Variants in RARB observed in about 807,000 individuals in gnomAD.
The protein encoded by RARB is retinoic acid receptor beta.
Under a neutral mutation model 51.9 loss-of-function variants are expected in RARB, and 17 were observed. The ratio of observed to expected loss-of-function variants is 0.33; its 90% CI spans 0.22 to 0.49. RARB has a LOEUF of 0.49. Ranked by LOEUF, RARB falls within the 20% of genes least tolerant of loss-of-function variation. The pLI, the probability that RARB is intolerant of heterozygous loss-of-function variation, is 0.99. For missense variants in RARB, 369 were observed against 550.8 expected (o/e 0.67, Z 3.30); for synonymous variants, 215 against 195.4 (o/e 1.10, Z -0.84).
chr3:25,212,255 T>G (rs1024970877), intron 5 of RARB, among the ~76,000 whole-genome samples: 1 of 152,144 alleles, frequency 6.6e-6, no homozygotes, highest in Non-Finnish European at 1.5e-5. Context: ...AAATAAATAA[T>G]ATAGACTATG....
At chr3:24,970,956 C>G (rs1696384864) in intron 2 of RARB, among the ~76,000 whole-genome samples, 1 of 151,946 alleles carries the variant, frequency 6.6e-6, no homozygotes, top group Non-Finnish European at 1.5e-5. Flanking sequence ...TTGTTCTTCT[C>G]CTTTCAACTA....
At chr3:24,840,832 A>C (rs1336258638) in intron 1 of RARB, among the ~76,000 whole-genome samples, 1 of 152,010 alleles carries the variant, frequency 6.6e-6, no homozygotes, top group Non-Finnish European at 1.5e-5. Context: ...CAAATCACTT[A>C]ATAAAAGTTT....
intron 5 of RARB, among the ~76,000 whole-genome samples, chr3:25,348,823 A>C (rs1373250212): frequency 6.6e-6 from 1 of 152,146 alleles, no homozygotes; most frequent in African/African-American, 2.4e-5. Context: ...AGGGTTTGTA[A>C]CTCCCAAAGT....
chr3:24,844,929 A>G (rs1402259151), intron 1 of RARB, among the ~76,000 whole-genome samples: 1 of 152,162 alleles, frequency 6.6e-6, no homozygotes, highest in Non-Finnish European at 1.5e-5. Context: ...TCTTGGAAAT[A>G]TGGTGAAATC....
At chr3:24,846,382 A>G (rs1702486036) in intron 1 of RARB, among the ~76,000 whole-genome samples, 1 of 152,252 alleles carries the variant, frequency 6.6e-6, no homozygotes, top group Non-Finnish European at 1.5e-5. Context: ...CTTTAAAAAA[A>G]TTCCAGGAGA....
chr3:25,475,843 T>G (rs1254064828), intron 2 of RARB, among the ~76,000 whole-genome samples: 2 of 152,204 alleles, frequency 1.3e-5, no homozygotes, highest in Non-Finnish European at 2.9e-5. Context: ...CCATTCACAG[T>G]TGAGGCCCTA....
intron 2 of RARB, among the ~76,000 whole-genome samples, chr3:25,031,095 T>C (rs1326210344): frequency 2.0e-5 from 3 of 152,152 alleles, no homozygotes; most frequent in African/African-American, 7.2e-5. Context: ...CCGTGCATTG[T>C]AGGATGTTGA....
At chr3:25,064,780 T>A (rs1209413401) in intron 3 of RARB, among the ~76,000 whole-genome samples, 2 of 152,318 alleles carry the variant, frequency 1.3e-5, no homozygotes, top group African/African-American at 4.8e-5. Context: ...CAATTTGAAT[T>A]CCAGACTAAT....
intron 2 of RARB, among the ~76,000 whole-genome samples, chr3:25,000,890 G>A (rs1371855805): frequency 2.6e-5 from 4 of 152,112 alleles, no homozygotes; most frequent in Admixed American, 2.6e-4. Context: ...AGATCAAATT[G>A]TGACTTTTTC....
rs1703227040 is a variant in RARB, at chr3:24,884,036, T to C, written c.-380+25284T>C. 2.0e-5 allele frequency among the ~76,000 whole-genome samples: 3 copies of C among 152,178 alleles called. No individual in the cohort carries two copies. The South Asian group carries it at 6.2e-4, about 32-fold the overall frequency. Reference sequence around the variant, plus strand: ...CTCGTCATATACTTTCTTGGTTTCCTGACACCAACGATTTTGTTGTGTTTA... The same window carrying C: ...CTCGTCATATACTTTCTTGGTTTCCCGACACCAACGATTTTGTTGTGTTTA... On this transcript the variant is annotated intron_variant, in intron 2 of 11. Coordinates refer to the RARB transcript ENST00000383772.
In RARB at chr3:25,275,085, C is replaced by G. The variant is rs189178590; in HGVS notation, c.178+100510C>G. Among the ~76,000 whole-genome samples the G allele has an allele frequency of 2.1e-3, 313 of 152,292 alleles. 2 individuals carry two copies. The highest frequency in any genetic ancestry group is 3.7e-3 in the Non-Finnish European group (254 of 68,014). On this transcript the variant is annotated intron_variant, in intron 5 of 11. Transcript: ENST00000383772. ...TGGCCCCATGCTCTTATGTGCTGCCCCATCATGCTATCAGAGGTCACTGCA... is the reference window on the plus strand; with the variant it reads ...TGGCCCCATGCTCTTATGTGCTGCCGCATCATGCTATCAGAGGTCACTGCA...
At chr3:25,516,655 C>A (rs1698179122) in intron 3 of RARB, among the ~76,000 whole-genome samples, 1 of 114,140 alleles carries the variant, frequency 8.8e-6, no homozygotes. Flanking sequence ...GAGACAGGGT[C>A]ACACTCTGTC....
chr3:24,846,568 A>G (rs1481016173), intron 1 of RARB, among the ~76,000 whole-genome samples: 1 of 152,204 alleles, frequency 6.6e-6, no homozygotes, highest in East Asian at 1.9e-4. Flanking sequence ...CCTATGAGGT[A>G]TGGCCAACAA....
Position 25,281,147 on chromosome 3 carries a change from G to A in RARB, c.178+106572G>A, listed in dbSNP as rs141987887. 2.0e-3 allele frequency among the ~76,000 whole-genome samples: 302 copies of A among 152,282 alleles called. 1 individual carries two copies. Among genetic ancestry groups the A allele is most frequent in the African/African-American group, 7.1e-3 (293 of 41,558 alleles). On this transcript the variant is annotated intron_variant, in intron 5 of 11. Transcript: ENST00000383772. Reference sequence around the variant, plus strand: ...TCCACTCTCTTGACTGGAATCCTGGGCAGTATTTTGATTGGTATGTGAGGA... The same window carrying A: ...TCCACTCTCTTGACTGGAATCCTGGACAGTATTTTGATTGGTATGTGAGGA...
chr3:24,981,835 T>C (rs1034828675), intron 2 of RARB, among the ~76,000 whole-genome samples: 2 of 152,110 alleles, frequency 1.3e-5, no homozygotes, highest in African/African-American at 4.8e-5. Flanking sequence ...GGTACCTCAG[T>C]TGGAAATGCA....
At chr3:25,336,838 G>A (rs1057193292) in intron 5 of RARB, among the ~76,000 whole-genome samples, 2 of 152,140 alleles carry the variant, frequency 1.3e-5, no homozygotes, top group Non-Finnish European at 2.9e-5. Flanking sequence ...AGTGATTGAC[G>A]CTGTAGAACG....
At chr3:25,026,278 T>C (rs1227617805) in intron 2 of RARB, among the ~76,000 whole-genome samples, 2 of 152,198 alleles carry the variant, frequency 1.3e-5, no homozygotes, top group African/African-American at 2.4e-5. Flanking sequence ...TAGTAAAATA[T>C]TACAGGCCTA....
chr3:25,457,176 G>C (rs755079112), intron 1 of RARB, among the ~76,000 whole-genome samples: 2 of 151,920 alleles, frequency 1.3e-5, no homozygotes, highest in Admixed American at 6.6e-5. Context: ...TTGGTCATTA[G>C]GACGTTAAAA....
intron 5 of RARB, among the ~76,000 whole-genome samples, chr3:25,241,774 G>A (rs1403435219): frequency 1.3e-5 from 2 of 152,010 alleles, no homozygotes; most frequent in Non-Finnish European, 2.9e-5. Flanking sequence ...ATGTGCATAC[G>A]TGTGCATGTG....
Sources: gnomAD v4.1 joint callset for allele counts (sites outside exome capture counted in the v4.1 genomes callset) on GRCh38, gnomAD v4.1.1 for gene constraint, MANE v1.5 for transcripts, NCBI Gene and HGNC (gene_info 2026-07-23, HGNC 2026-07-21) for gene names.